The following RAB31 variants were observed in gnomAD, a reference collection of about 807,000 sequenced individuals.
The protein encoded by RAB31 is RAB31, member RAS oncogene family, also known as ras-related protein Rab-31.
A neutral mutation model predicts 25.6 loss-of-function variants in RAB31; 21 were observed. The observed-to-expected ratio is 0.82, with a 90% CI of 0.58 to 1.18. The LOEUF (loss-of-function observed/expected upper bound fraction) is 1.18, where lower values mean the gene tolerates loss of function less well. RAB31 is among the 50% of genes most tolerant of loss of function. The probability of loss-of-function intolerance (pLI) is 0.00; values close to 1 mark genes in which losing one functional copy is unlikely to be tolerated. For missense variants in RAB31, 196 were observed against 250.1 expected (o/e 0.78, Z 1.46); for synonymous variants, 87 against 84.0 (o/e 1.04, Z -0.20).
chr18:9,841,774 T>A (rs1316458691), intron 5 of RAB31, among the ~76,000 whole-genome samples: 1 of 152,106 alleles, frequency 6.6e-6, no homozygotes, highest in Non-Finnish European at 1.5e-5. Context: ...AACGATGGAA[T>A]ATCAGATGAG....
At chr18:9,738,271 A>G (rs2068160428) in intron 1 of RAB31, among the ~76,000 whole-genome samples, 1 of 152,094 alleles carries the variant, frequency 6.6e-6, no homozygotes, top group African/African-American at 2.4e-5. Flanking sequence ...AGCAAAGAGT[A>G]TTTTTTGCCT....
In RAB31 at chr18:9,764,127, C is replaced by T. The variant is rs115737743; in HGVS notation, c.40-11151C>T. On this transcript the variant is annotated intron_variant, in intron 1 of 6. Transcript: ENST00000578921. ...AAAACGCATATTTTAGTTTCACATGCGTAGCCAACAAATGCTCACTTGGAA... is the reference window on the plus strand; with the variant it reads ...AAAACGCATATTTTAGTTTCACATGTGTAGCCAACAAATGCTCACTTGGAA... 5.4e-3 allele frequency among the ~76,000 whole-genome samples: 820 copies of T among 152,290 alleles called. 11 individuals carry two copies. Among genetic ancestry groups the T allele is most frequent in the African/African-American group, 0.019 (779 of 41,566 alleles).
chr18:9,790,805 G>A (rs546995423), intron 2 of RAB31, among the ~76,000 whole-genome samples: 2 of 152,292 alleles, frequency 1.3e-5, no homozygotes, highest in South Asian at 4.1e-4. Context: ...TATAGGTGAT[G>A]TATCTACTTC....
chr18:9,724,364 A>G (rs2068087941), intron 1 of RAB31, among the ~76,000 whole-genome samples: 1 of 152,054 alleles, frequency 6.6e-6, no homozygotes, highest in African/African-American at 2.4e-5. Context: ...GTTAATGAGA[A>G]TTGCATGACT....
intron 3 of RAB31, among the ~76,000 whole-genome samples, chr18:9,805,283 T>TTAAA (rs111236812): frequency 6.8e-6 from 1 of 146,818 alleles, no homozygotes; most frequent in African/African-American, 2.5e-5. Context: ...ATAAAAAGAT[T>TTAAA]AAAAAAAAAA....
chr18:9,850,333 C>T (rs2068783005), intron 6 of RAB31, among the ~76,000 whole-genome samples: 1 of 152,056 alleles, frequency 6.6e-6, no homozygotes, highest in Non-Finnish European at 1.5e-5. Flanking sequence ...CTGTATTGTC[C>T]AGGCTGGTCT....
At chr18:9,744,163 G>A (rs921836) in intron 1 of RAB31, among the ~76,000 whole-genome samples, 141,588 of 152,320 alleles carry the variant, frequency 0.93, 66,000 homozygotes, top group African/African-American at 0.96. Flanking sequence ...ACATTACTGA[G>A]TATTTCCAGT....
At chr18:9,764,611 A>G (rs915107883) in intron 1 of RAB31, among the ~76,000 whole-genome samples, 25 of 152,250 alleles carry the variant, frequency 1.6e-4, no homozygotes, top group African/African-American at 5.5e-4. Flanking sequence ...TGCACCATCG[A>G]ATCATCTTGT....
intron 2 of RAB31, among the ~76,000 whole-genome samples, chr18:9,782,956 CA>C (rs2068412702): frequency 6.6e-6 from 1 of 152,040 alleles, no homozygotes; most frequent in African/African-American, 2.4e-5. Context: ...TTCTTAAGAT[CA>C]AAAGCTAGCA....
chr18:9,831,442 C>T (rs1486093155), intron 5 of RAB31, among the ~76,000 whole-genome samples: 1 of 152,252 alleles, frequency 6.6e-6, no homozygotes, highest in Middle Eastern at 3.2e-3. Flanking sequence ...GGCCTGACTC[C>T]TTTTCCCTAA....
At position 9,791,388 on chromosome 18, in the gene RAB31, C is replaced by CTT. The variant is rs35523044; in HGVS notation, c.120-740_120-739dup. On this transcript the variant is annotated intron_variant, in intron 2 of 6. Transcript: ENST00000578921. ...AGCTAACTGGTTTTAGAAACACAGT[C>CTT]TTTTTTTTTTTTTTTTTTTTTTTTT... Among the ~76,000 whole-genome samples, 214 of 59,640 alleles carry CTT rather than the reference C, an allele frequency of 3.6e-3. 36 individuals carry two copies. Among genetic ancestry groups the CTT allele is most frequent in the African/African-American group, 0.013 (194 of 14,556 alleles). The allele number at this position is 59,640 out of a possible 152,430, so 39.1% of individuals were successfully genotyped here.
At chr18:9,856,849 G>GT (rs1193080029) in intron 6 of RAB31, among the ~76,000 whole-genome samples, 3 of 152,188 alleles carry the variant, frequency 2.0e-5, no homozygotes, top group Admixed American at 1.3e-4. Flanking sequence ...CTCTTCAGGA[G>GT]TAAGTAACTC....
intron 1 of RAB31, among the ~76,000 whole-genome samples, chr18:9,746,416 G>A (rs2145475643): frequency 6.9e-6 from 1 of 145,212 alleles, no homozygotes; most frequent in South Asian, 2.2e-4. Flanking sequence ...TGGAAATGCT[G>A]ACTCTCAAAT....
intron 1 of RAB31, chr18:9,774,840 A>T (rs757050244): frequency 3.9e-6 from 2 of 517,626 alleles, no homozygotes; most frequent in East Asian, 5.4e-5. Flanking sequence ...TAGAATTAAT[A>T]GGTCTTAAAG....
intron 3 of RAB31, among the ~76,000 whole-genome samples, chr18:9,807,448 T>C (rs957275362): frequency 2.6e-4 from 40 of 152,192 alleles, no homozygotes; most frequent in African/African-American, 8.9e-4. Context: ...TCACGGTGGC[T>C]GTGTATGATG....
chr18:9,854,629 T>C (rs536839159), intron 6 of RAB31, among the ~76,000 whole-genome samples: 17 of 152,322 alleles, frequency 1.1e-4, no homozygotes, highest in African/African-American at 4.1e-4. Context: ...CGTTCCTCTT[T>C]ATCCTAATAT....
At chr18:9,722,019 G>A (rs1301976959) in intron 1 of RAB31, among the ~76,000 whole-genome samples, 1 of 152,192 alleles carries the variant, frequency 6.6e-6, no homozygotes, top group African/African-American at 2.4e-5. Flanking sequence ...GAGCAGGGTG[G>A]ATGTGCCTGG....
intron 1 of RAB31, among the ~76,000 whole-genome samples, chr18:9,724,294 A>AAAAC (rs2068087348): frequency 6.6e-6 from 1 of 151,404 alleles, no homozygotes; most frequent in African/African-American, 2.4e-5. Context: ...AAAACAAAAA[A>AAAAC]AAAACATTAT....
At chr18:9,790,138 T>A (rs930017001) in intron 2 of RAB31, among the ~76,000 whole-genome samples, 10 of 152,172 alleles carry the variant, frequency 6.6e-5, no homozygotes, top group African/African-American at 2.4e-4. Flanking sequence ...GACACCATGA[T>A]CATACCTACA....
Sources: allele counts gnomAD v4.1 joint callset (sites outside exome capture counted in the v4.1 genomes callset), GRCh38; gene constraint gnomAD v4.1.1; transcripts MANE v1.5; gene names NCBI Gene and HGNC (gene_info 2026-07-23, HGNC 2026-07-21).